BTG3: variants seen among roughly 807,000 people sequenced by gnomAD.
The protein encoded by BTG3 is protein BTG3.
In BTG3, 4 loss-of-function variants were observed where a neutral mutation model predicts 25.8. The ratio of observed to expected loss-of-function variants is 0.16; its 90% CI spans 0.08 to 0.36. The LOEUF (loss-of-function observed/expected upper bound fraction) is 0.36, where lower values mean the gene tolerates loss of function less well. BTG3 is among the 10% of genes least tolerant of loss of function. The probability of loss-of-function intolerance (pLI) is 1.00; values close to 1 mark genes in which losing one functional copy is unlikely to be tolerated. For missense variants in BTG3, 201 were observed against 304.9 expected (o/e 0.66, Z 2.54); for synonymous variants, 107 against 99.9 (o/e 1.07, Z -0.42).
At chr21:17,606,980 A>C (rs2061651644) in intron 2 of BTG3, among the ~76,000 whole-genome samples, 1 of 152,184 alleles carries the variant, frequency 6.6e-6, no homozygotes, top group South Asian at 2.1e-4. Flanking sequence ...GCAGAAAAAC[A>C]ATTTCAACTT....
At chr21:17,605,196 C>T (rs2061623047) in intron 2 of BTG3, 199 bp from the exon 3 acceptor site, 5 of 529,886 alleles carry the variant, frequency 9.4e-6, no homozygotes, top group Non-Finnish European at 1.3e-5. Context: ...AAAGATGGCA[C>T]CTATGTGAGC....
At chr21:17,598,492 G>T in intron 4 of BTG3, 125 bp downstream of exon 4, 1 of 770,418 alleles carries the variant, frequency 1.3e-6, no homozygotes. Context: ...CTTAGCATGG[G>T]GAAAGGCAAG....
chr21:17,602,427 T>G (rs2061585913), intron 3 of BTG3, among the ~76,000 whole-genome samples: 1 of 152,222 alleles, frequency 6.6e-6, no homozygotes, highest in Non-Finnish European at 1.5e-5. Context: ...TCTCAGATAT[T>G]TGATCAATTG....
intron 3 of BTG3, among the ~76,000 whole-genome samples, chr21:17,601,878 C>G (rs2061578553): frequency 6.6e-6 from 1 of 152,196 alleles, no homozygotes; most frequent in East Asian, 1.9e-4. Context: ...GCATTATTAA[C>G]TCAGATTTCT....
At chr21:17,598,989 G>T in intron 3 of BTG3, 165 bp from the exon 4 acceptor site, 1 of 524,034 alleles carries the variant, frequency 1.9e-6, no homozygotes, top group South Asian at 3.3e-5. Flanking sequence ...CTCAATGCCA[G>T]CAAGCAAACC....
chr21:17,610,867 A>G (rs536045804), intron 1 of BTG3, among the ~76,000 whole-genome samples: 9 of 152,258 alleles, frequency 5.9e-5, no homozygotes, highest in Non-Finnish European at 8.8e-5. Flanking sequence ...TCTCTTCAGA[A>G]TATGACTCCT....
intron 1 of BTG3, among the ~76,000 whole-genome samples, chr21:17,611,064 CACACGAGTGT>C (rs1249590310): frequency 6.6e-6 from 1 of 152,208 alleles, no homozygotes; most frequent in Non-Finnish European, 1.5e-5. Context: ...CATGGGTCCA[CACACGAGTGT>C]ACACGTATAC....
chr21:17,602,363 T>C (rs940668794), intron 3 of BTG3, among the ~76,000 whole-genome samples: 2 of 152,102 alleles, frequency 1.3e-5, no homozygotes, highest in Admixed American at 6.5e-5. Flanking sequence ...GCATCTCAAT[T>C]TTTTTTTACA....
At position 17,604,932 on chromosome 21, in the gene BTG3, C is replaced by T; in HGVS notation, c.239G>A (p.Cys80Tyr). The T allele has an allele frequency of 6.2e-7, 1 of 1,614,198 alleles. No individual in the cohort carries two copies. The highest frequency in any genetic ancestry group is 8.5e-7 in the Non-Finnish European group (1 of 1,180,030). Residue 80 changes from cysteine (C) to tyrosine (Y), a missense_variant, in exon 3 of 5, where the codon TGC becomes TAC. Physicochemically the swap from Cys to Tyr is radical, Grantham distance 194. This residue lies in a region of BTG3 where 70 missense variants were observed against 175.7 expected (regional missense o/e 0.40). Transcript: ENST00000348354. ...CAAGCCCAGGTCACTATACAAGATG[C>T]AGCTGTTTTCACAGGCTTTCAGGAC... ...PDVLKACENS[C>Y]ILYSDLGLPK...
intron 2 of BTG3, 79 bp from the exon 3 acceptor site, chr21:17,605,076 A>C (rs1206242578): frequency 6.8e-7 from 1 of 1,471,248 alleles, no homozygotes; most frequent in Non-Finnish European, 9.2e-7. Flanking sequence ...ATACTTGCCA[A>C]GGTGAGTAAT....
intron 3 of BTG3, among the ~76,000 whole-genome samples, chr21:17,602,640 C>G (rs1013761078): frequency 5.3e-5 from 8 of 152,228 alleles, no homozygotes; most frequent in African/African-American, 1.7e-4. Context: ...AAAAAAATCA[C>G]ATCAGAGCCA....
In BTG3 at chr21:17,607,237, A is replaced by G. The variant is rs2824392; in HGVS notation, c.173+1735T>C. 6.4e-3 allele frequency among the ~76,000 whole-genome samples: 967 copies of G among 152,276 alleles called. 58 individuals are homozygous for G. The East Asian group carries it at 0.13, about 21-fold the overall frequency. ...AAATTGTACACTGTCTGACCTTTAA[A>G]TATTTACTTGACAGTGCCTCCTTTT... On this transcript the variant is annotated intron_variant, in intron 2 of 4. Coordinates refer to ENST00000348354, the MANE Select transcript of BTG3 (RefSeq NM_006806.5).
intron 3 of BTG3, among the ~76,000 whole-genome samples, chr21:17,600,219 G>A (rs2061555267): frequency 6.6e-6 from 1 of 152,032 alleles, no homozygotes; most frequent in African/African-American, 2.4e-5. Flanking sequence ...GTGGACATAG[G>A]AGAAATCCAC....
At chr21:17,602,143 G>A (rs987024791) in intron 3 of BTG3, among the ~76,000 whole-genome samples, 1 of 151,658 alleles carries the variant, frequency 6.6e-6, no homozygotes, top group Non-Finnish European at 1.5e-5. Flanking sequence ...GGAAAAAAAG[G>A]ATGGCAGAAA....
At chr21:17,595,454 A>G (rs2061492413) in intron 4 of BTG3, among the ~76,000 whole-genome samples, 1 of 151,894 alleles carries the variant, frequency 6.6e-6, no homozygotes, top group South Asian at 2.1e-4. Flanking sequence ...GACACCAAAC[A>G]TTTTTTTAAA....
intron 4 of BTG3, among the ~76,000 whole-genome samples, chr21:17,597,692 T>C (rs1601084341): frequency 6.6e-6 from 1 of 151,242 alleles, no homozygotes; most frequent in East Asian, 1.9e-4. Flanking sequence ...TCAGAAATAA[T>C]CTTCCCCTAA....
chr21:17,611,611 C>T (rs949972272), intron 1 of BTG3: 2 of 152,272 alleles, frequency 1.3e-5, no homozygotes, highest in Non-Finnish European at 2.9e-5. Flanking sequence ...CAAGCAGGGC[C>T]AAGAAGACCT....
At chr21:17,611,919 AG>A (rs935937456) in intron 1 of BTG3, 1 of 152,224 alleles carries the variant, frequency 6.6e-6, no homozygotes, top group African/African-American at 2.4e-5. Flanking sequence ...GACGTTCCCA[AG>A]GTGGAGGGCG....
At chr21:17,598,875 A>C in intron 3 of BTG3, 51 bp from the exon 4 acceptor site, 1 of 1,445,442 alleles carries the variant, frequency 6.9e-7, no homozygotes, top group South Asian at 1.3e-5. Context: ...TCAGCAAAGC[A>C]AAAAATGTCC....
Sources: allele counts gnomAD v4.1 joint callset (sites outside exome capture counted in the v4.1 genomes callset), GRCh38; gene constraint gnomAD v4.1.1; regional missense constraint gnomAD v4.1.1; transcripts MANE v1.5; gene names NCBI Gene and HGNC (gene_info 2026-07-23, HGNC 2026-07-21).